NELL1: variants seen among roughly 807,000 people sequenced by gnomAD.
NELL1 encodes the protein protein kinase C-binding protein NELL1.
A neutral mutation model predicts 107.4 loss-of-function variants in NELL1; 76 were observed. That is an observed-to-expected ratio of 0.71 (90% CI 0.59 to 0.86). NELL1 has a LOEUF of 0.86. NELL1 is among the 40% of genes least tolerant of loss of function. The pLI is 0.00. For missense variants in NELL1, 1,024 were observed against 1,005.5 expected (o/e 1.02, Z -0.25); for synonymous variants, 353 against 341.2 (o/e 1.03, Z -0.38).
At chr11:20,887,286 A>C (rs888557403) in intron 5 of NELL1, among the ~76,000 whole-genome samples, 1 of 152,230 alleles carries the variant, frequency 6.6e-6, no homozygotes, top group African/African-American at 2.4e-5. Context: ...ACAATTATGA[A>C]TAGAACCACT....
intron 2 of NELL1, among the ~76,000 whole-genome samples, chr11:20,705,303 G>C (rs1238535270): frequency 6.6e-6 from 1 of 152,110 alleles, no homozygotes; most frequent in African/African-American, 2.4e-5. Flanking sequence ...CATGGTACTG[G>C]TACCAAAACA....
chr11:20,684,228 G>C (rs900517371), intron 2 of NELL1, among the ~76,000 whole-genome samples: 1 of 151,612 alleles, frequency 6.6e-6, no homozygotes, highest in African/African-American at 2.4e-5. Context: ...GCAACATAGT[G>C]AGACCCTCAT....
chr11:21,296,895 ATATACT>A (rs1463066797), intron 14 of NELL1, among the ~76,000 whole-genome samples: 1 of 151,526 alleles, frequency 6.6e-6, no homozygotes, highest in East Asian at 1.9e-4. Flanking sequence ...CCATGAAATG[ATATACT>A]TAATATAGCT....
chr11:21,404,664 T>G, intron 15 of NELL1, among the ~76,000 whole-genome samples: 1 of 152,012 alleles, frequency 6.6e-6, no homozygotes, highest in Non-Finnish European at 1.5e-5. Flanking sequence ...AATAATCCCA[T>G]GTAACATAGA....
At position 21,194,399 on chromosome 11, in the gene NELL1, C is replaced by A. The variant is rs557031469; in HGVS notation, c.1427-34933C>A. Among the ~76,000 whole-genome samples, 35 of 152,254 alleles carry A rather than the reference C, an allele frequency of 2.3e-4. 1 individual carries two copies. In the South Asian group the frequency reaches 7.3e-3, roughly 32 times the overall value. On this transcript the variant is annotated intron_variant, in intron 13 of 19. Transcript: ENST00000357134. Reference sequence around the variant, plus strand: ...GAGGACCGGGTTGCTCAGTGGTCCTCAACCTTCATTTCTTTCTGGAAGAGA... The same window carrying A: ...GAGGACCGGGTTGCTCAGTGGTCCTAAACCTTCATTTCTTTCTGGAAGAGA...
chr11:21,167,927 TTAGG>T (rs1173436124), intron 13 of NELL1, among the ~76,000 whole-genome samples: 1 of 151,796 alleles, frequency 6.6e-6, no homozygotes, highest in East Asian at 1.9e-4. Flanking sequence ...TTTTCTCACC[TTAGG>T]TACTTTTCAT....
intron 14 of NELL1, among the ~76,000 whole-genome samples, chr11:21,307,159 A>G (rs1416875044): frequency 6.6e-6 from 1 of 151,982 alleles, no homozygotes; most frequent in East Asian, 1.9e-4. Flanking sequence ...ATCAGGGGAC[A>G]CCGTTTTCCT....
At chr11:20,846,917 A>T (rs1848710464) in intron 3 of NELL1, among the ~76,000 whole-genome samples, 1 of 152,204 alleles carries the variant, frequency 6.6e-6, no homozygotes, top group African/African-American at 2.4e-5. Flanking sequence ...AGTGCAGACC[A>T]CAGTGGTAAG....
At chr11:20,855,363 A>G (rs995703480) in intron 4 of NELL1, among the ~76,000 whole-genome samples, 5 of 152,198 alleles carry the variant, frequency 3.3e-5, no homozygotes, top group Admixed American at 6.5e-5. Flanking sequence ...AAAAAATACA[A>G]TAGACTCTTT....
At chr11:20,676,970 T>G (rs139327809) in intron 1 of NELL1, among the ~76,000 whole-genome samples, 2 of 152,308 alleles carry the variant, frequency 1.3e-5, no homozygotes, top group East Asian at 3.9e-4. Context: ...ATACATATAG[T>G]TGGAAATCAC....
chr11:21,234,885 T>C (rs923757636), intron 14 of NELL1, among the ~76,000 whole-genome samples: 1 of 152,164 alleles, frequency 6.6e-6, no homozygotes, highest in Non-Finnish European at 1.5e-5. Context: ...AAGTTGTTTT[T>C]CAGAGGCTCA....
chr11:21,417,954 C>T (rs1324700615), intron 15 of NELL1, among the ~76,000 whole-genome samples: 1 of 152,040 alleles, frequency 6.6e-6, no homozygotes, highest in Admixed American at 6.6e-5. Flanking sequence ...TTTTTAATCA[C>T]CATTAATTTA....
At chr11:21,138,216 T>G (rs977354212) in intron 13 of NELL1, among the ~76,000 whole-genome samples, 5 of 152,182 alleles carry the variant, frequency 3.3e-5, no homozygotes, top group African/African-American at 1.2e-4. Context: ...ATAAAATCCC[T>G]CTTTTCCTTC....
chr11:20,694,131 T>G (rs1238250075), intron 2 of NELL1, among the ~76,000 whole-genome samples: 1 of 152,166 alleles, frequency 6.6e-6, no homozygotes, highest in Non-Finnish European at 1.5e-5. Flanking sequence ...GGCTTTCAGC[T>G]CCATCAGCTC....
At chr11:21,543,596 C>A (rs1337831059) in intron 16 of NELL1, among the ~76,000 whole-genome samples, 1 of 152,024 alleles carries the variant, frequency 6.6e-6, no homozygotes, top group Non-Finnish European at 1.5e-5. Context: ...ACAGTGGACA[C>A]ACAGTGGCAG....
intron 2 of NELL1, among the ~76,000 whole-genome samples, chr11:20,738,487 G>C (rs1855813621): frequency 6.6e-6 from 1 of 152,208 alleles, no homozygotes; most frequent in African/African-American, 2.4e-5. Flanking sequence ...AGACTGGTTT[G>C]AGCTACTGTG....
chr11:20,925,560 A>G (rs554816732), intron 7 of NELL1, among the ~76,000 whole-genome samples: 22 of 150,728 alleles, frequency 1.5e-4, no homozygotes, highest in Non-Finnish European at 2.6e-4. Context: ...TGCTGGGATT[A>G]TAGGTGTGAG....
chr11:21,300,188 G>A (rs1346663348), intron 14 of NELL1, among the ~76,000 whole-genome samples: 2 of 152,046 alleles, frequency 1.3e-5, no homozygotes, highest in African/African-American at 4.8e-5. Context: ...CTCTAAGATA[G>A]CATCTGAGGT....
At chr11:21,241,634 T>C (rs776393943) in intron 14 of NELL1, among the ~76,000 whole-genome samples, 2 of 152,134 alleles carry the variant, frequency 1.3e-5, no homozygotes, top group African/African-American at 2.4e-5. Flanking sequence ...GTGCTAACTG[T>C]AGTCTTTCTG....
Sources: gnomAD v4.1 joint callset for allele counts (sites outside exome capture counted in the v4.1 genomes callset) on GRCh38, gnomAD v4.1.1 for gene constraint, MANE v1.5 for transcripts, NCBI Gene and HGNC (gene_info 2026-07-23, HGNC 2026-07-21) for gene names.